FAM81A: variants seen among roughly 807,000 people sequenced by gnomAD.
FAM81A encodes family with sequence similarity 81 member A.
Under a neutral mutation model 46.7 loss-of-function variants are expected in FAM81A, and 19 were observed. The ratio of observed to expected loss-of-function variants is 0.41; its 90% CI spans 0.28 to 0.60. The LOEUF (loss-of-function observed/expected upper bound fraction) is 0.60, where lower values mean the gene tolerates loss of function less well. Among genes scored for constraint, FAM81A ranks in the 20% least tolerant of loss-of-function variants. FAM81A has a pLI of 0.34. For synonymous variants in FAM81A, 183 were observed against 152.9 expected, an observed-to-expected ratio of 1.20 and a Z score of -1.45; for missense variants, 377 against 453.5, an observed-to-expected ratio of 0.83 and a Z score of 1.53.
At chr15:59,504,885 G>A (rs1212838953) in intron 4 of FAM81A, among the ~76,000 whole-genome samples, 1 of 152,010 alleles carries the variant, frequency 6.6e-6, no homozygotes, top group East Asian at 1.9e-4. Context: ...TAGCTTTTAA[G>A]ATTTTATATT....
intron 3 of FAM81A, among the ~76,000 whole-genome samples, chr15:59,462,739 C>T (rs1357153113): frequency 3.3e-5 from 5 of 152,164 alleles, no homozygotes; most frequent in Non-Finnish European, 7.3e-5. Flanking sequence ...ATTCTAGCTA[C>T]TTCATATAAG....
chr15:59,463,202 G>A (rs1410605031), intron 3 of FAM81A, among the ~76,000 whole-genome samples: 1 of 151,874 alleles, frequency 6.6e-6, no homozygotes, highest in African/African-American at 2.4e-5. Context: ...GTGAGGTAAG[G>A]GTCTAAGTTA....
chr15:59,511,566 G>A (rs2082208512), intron 6 of FAM81A, among the ~76,000 whole-genome samples: 2 of 152,318 alleles, frequency 1.3e-5, no homozygotes, highest in South Asian at 4.1e-4. Context: ...TTCTGGAAAA[G>A]TTGGACGTGT....
At chr15:59,484,737 C>A (rs1279672398) in intron 3 of FAM81A, among the ~76,000 whole-genome samples, 2 of 152,134 alleles carry the variant, frequency 1.3e-5, no homozygotes, top group African/African-American at 4.8e-5. Context: ...TTGAGAAAAG[C>A]AGAGGGAAAA....
intron 1 of FAM81A, among the ~76,000 whole-genome samples, chr15:59,448,971 A>G (rs2081383656): frequency 6.6e-6 from 1 of 152,226 alleles, no homozygotes; most frequent in African/African-American, 2.4e-5. Context: ...CTGGCCAGCT[A>G]TTGATATTCT....
At chr15:59,451,027 T>G (rs4078341) in intron 1 of FAM81A, among the ~76,000 whole-genome samples, 125,849 of 152,124 alleles carry the variant, frequency 0.83, 52,543 homozygotes, top group African/African-American at 0.94. Context: ...GATGGTGTTG[T>G]GGGGGCACCC....
chr15:59,517,777 T>A (rs1477388492), intron 8 of FAM81A, among the ~76,000 whole-genome samples: 1 of 152,206 alleles, frequency 6.6e-6, no homozygotes, highest in Admixed American at 6.5e-5. Flanking sequence ...TCTTTCTTAG[T>A]CTTTGGACTA....
chr15:59,510,777 C>CAAAAAAAAAAAAA (rs71119479), intron 6 of FAM81A, among the ~76,000 whole-genome samples: 6 of 25,780 alleles, frequency 2.3e-4, no homozygotes, highest in African/African-American at 6.5e-4. Flanking sequence ...GACCCTGTCT[C>CAAAAAAAAAAAAA]AAAAAAAAAA....
intron 2 of FAM81A, among the ~76,000 whole-genome samples, chr15:59,414,986 T>G (rs2081139800): frequency 6.6e-6 from 1 of 151,538 alleles, no homozygotes; most frequent in Non-Finnish European, 1.5e-5. Context: ...TGGCTAATTT[T>G]TTTGTATTTT....
chr15:59,491,863 A>C (rs571524837), intron 3 of FAM81A, among the ~76,000 whole-genome samples: 2 of 152,232 alleles, frequency 1.3e-5, no homozygotes, highest in African/African-American at 4.8e-5. Context: ...CTGCTCGGGA[A>C]GCTGAGGCAG....
At chr15:59,484,076 G>T (rs1248492523) in intron 3 of FAM81A, among the ~76,000 whole-genome samples, 2 of 152,150 alleles carry the variant, frequency 1.3e-5, no homozygotes, top group African/African-American at 4.8e-5. Flanking sequence ...CCTACTTAAG[G>T]CACTCCAGTG....
intron 4 of FAM81A, among the ~76,000 whole-genome samples, chr15:59,495,094 G>T (rs755282481): frequency 6.6e-6 from 1 of 152,138 alleles, no homozygotes; most frequent in South Asian, 2.1e-4. Flanking sequence ...GTGATTTTTA[G>T]TGTATTCACA....
chr15:59,476,243 G>A (rs1285417335), intron 3 of FAM81A, among the ~76,000 whole-genome samples: 1 of 144,014 alleles, frequency 6.9e-6, no homozygotes, highest in African/African-American at 2.6e-5. Flanking sequence ...TTTTTTTTTA[G>A]ACTGGGTCTT....
intron 1 of FAM81A, among the ~76,000 whole-genome samples, chr15:59,454,494 T>C (rs1343591786): frequency 1.3e-5 from 2 of 152,224 alleles, no homozygotes; most frequent in African/African-American, 4.8e-5. Flanking sequence ...ACTTCCTTTT[T>C]TGTTTCTCCC....
chr15:59,440,455 C>G (rs535380778), intron 1 of FAM81A, among the ~76,000 whole-genome samples: 1 of 152,166 alleles, frequency 6.6e-6, no homozygotes, highest in African/African-American at 2.4e-5. Context: ...AAACAAAAAA[C>G]GTGAGCAGCC....
chr15:59,476,246 T>G (rs1246982283), intron 3 of FAM81A, among the ~76,000 whole-genome samples: 1 of 151,200 alleles, frequency 6.6e-6, no homozygotes, highest in Non-Finnish European at 1.5e-5. Flanking sequence ...TTTTTTAGAC[T>G]GGGTCTTGCT....
rs1403924009 is a variant in FAM81A, at chr15:59,460,703, G to C, written c.294+497G>C. ...ACTGCTGTAGTTTTCTTTGAAATGA[G>C]ACCAATAAAAGGCCAATATTGTCTA... On this transcript the variant is annotated intron_variant, in intron 3 of 8. Transcript: ENST00000288228. This position sits in a 1 kb window ranked among gnomAD's most constrained non-coding sequence, Gnocchi z 4.4. The C allele has an allele frequency of 5.0e-6, 1 of 201,552 alleles. No individual in the cohort carries two copies. Among genetic ancestry groups the C allele is most frequent in the Non-Finnish European group, 1.0e-5 (1 of 98,408 alleles). 12.5% of individuals were successfully genotyped at this position (201,552 alleles called of 1,614,324 possible).
At position 59,460,431 on chromosome 15, in the gene FAM81A, C is replaced by G. The variant is rs745494203; in HGVS notation, c.294+225C>G. 42 of 639,634 alleles carry G rather than the reference C, an allele frequency of 6.6e-5. No homozygotes were observed. The highest frequency in any genetic ancestry group is 6.2e-4 in the African/African-American group (34 of 55,024). 39.6% of individuals were successfully genotyped at this position (639,634 alleles called of 1,614,324 possible). A position where few individuals can be genotyped will look rare whatever the true frequency, so the allele number is the denominator to read the frequency against. On this transcript the variant is annotated intron_variant, in intron 3 of 8. Transcript: ENST00000288228. This position sits in a 1 kb window ranked among gnomAD's most constrained non-coding sequence, Gnocchi z 4.4. ...AGTTACTGTTAGTGTTATGTTTAAT[C>G]TAAATTTACCTTGCTGATTATTAAA... is the stretch of plus-strand genomic sequence containing the variant.
intron 2 of FAM81A, among the ~76,000 whole-genome samples, chr15:59,421,256 T>G (rs1460921202): frequency 6.6e-6 from 1 of 152,166 alleles, no homozygotes; most frequent in African/African-American, 2.4e-5. Flanking sequence ...GAATTGGAGC[T>G]CAGTGGAAAG....
Sources: allele counts gnomAD v4.1 joint callset (sites outside exome capture counted in the v4.1 genomes callset), GRCh38; gene constraint gnomAD v4.1.1; non-coding constraint Gnocchi (gnomAD v3.1); transcripts MANE v1.5; gene names NCBI Gene and HGNC (gene_info 2026-07-23, HGNC 2026-07-21).